The following NSMCE2 variants were observed in gnomAD, a reference collection of about 807,000 sequenced individuals.
The protein encoded by NSMCE2 is NSE2 SUMO ligase component of SMC5/6 complex.
Under a neutral mutation model 23.8 loss-of-function variants are expected in NSMCE2, and 24 were observed. The ratio of observed to expected loss-of-function variants is 1.01; its 90% CI spans 0.73 to 1.42. The LOEUF (loss-of-function observed/expected upper bound fraction) is 1.42. NSMCE2 is among the 40% of genes most tolerant of loss of function. NSMCE2 has a pLI of 0.00. For synonymous variants in NSMCE2, 92 were observed against 94.1 expected, an observed-to-expected ratio of 0.98 and a Z score of 0.13; for missense variants, 284 against 296.5, an observed-to-expected ratio of 0.96 and a Z score of 0.31.
intron 5 of NSMCE2, among the ~76,000 whole-genome samples, chr8:125,312,114 A>AATG (rs935776022): frequency 1.3e-5 from 2 of 151,532 alleles, no homozygotes; most frequent in Non-Finnish European, 2.9e-5. Context: ...AAAAGAAGAT[A>AATG]ATGATAAGGT....
chr8:125,152,636 C>T (rs1240270327), intron 4 of NSMCE2, among the ~76,000 whole-genome samples: 1 of 152,110 alleles, frequency 6.6e-6, no homozygotes, highest in South Asian at 2.1e-4. Flanking sequence ...TCATACTGTG[C>T]AAATGCAATA....
chr8:125,308,218 C>T (rs1828835844), intron 5 of NSMCE2, among the ~76,000 whole-genome samples: 1 of 152,186 alleles, frequency 6.6e-6, no homozygotes, highest in South Asian at 2.1e-4. Flanking sequence ...TCTCATTACA[C>T]TCCTTGACCT....
At chr8:125,160,985 T>C (rs1821586873) in intron 4 of NSMCE2, among the ~76,000 whole-genome samples, 1 of 152,258 alleles carries the variant, frequency 6.6e-6, no homozygotes, top group Non-Finnish European at 1.5e-5. Context: ...GGTTCAAGTG[T>C]GTAATCTCTA....
chr8:125,220,292 A>G (rs1455132137), intron 5 of NSMCE2, among the ~76,000 whole-genome samples: 3 of 152,150 alleles, frequency 2.0e-5, no homozygotes, highest in Non-Finnish European at 4.4e-5. Flanking sequence ...TAGCTTCTGG[A>G]GTTGCCTAAC....
chr8:125,228,755 C>T (rs1485561658), intron 5 of NSMCE2, among the ~76,000 whole-genome samples: 2 of 152,212 alleles, frequency 1.3e-5, no homozygotes, highest in Non-Finnish European at 2.9e-5. Context: ...AGTGAACCTA[C>T]AGCAAGATAA....
intron 5 of NSMCE2, among the ~76,000 whole-genome samples, chr8:125,237,479 A>G (rs1399043580): frequency 6.6e-6 from 1 of 152,206 alleles, no homozygotes; most frequent in Non-Finnish European, 1.5e-5. Flanking sequence ...CACCTGGCAG[A>G]TGTCTAACCC....
intron 3 of NSMCE2, among the ~76,000 whole-genome samples, chr8:125,142,134 T>C (rs537026623): frequency 2.0e-5 from 3 of 152,312 alleles, no homozygotes; most frequent in Middle Eastern, 3.4e-3. Context: ...AGAATAGTTA[T>C]CTATTCTGTA....
At chr8:125,304,734 G>A (rs144228581) in intron 5 of NSMCE2, among the ~76,000 whole-genome samples, 1 of 151,962 alleles carries the variant, frequency 6.6e-6, no homozygotes, top group African/African-American at 2.4e-5. Flanking sequence ...GCATGGGCCT[G>A]TAATCCCAGC....
intron 1 of NSMCE2, among the ~76,000 whole-genome samples, chr8:125,100,254 T>C (rs1454268989): frequency 6.6e-6 from 1 of 152,054 alleles, no homozygotes; most frequent in East Asian, 1.9e-4. Flanking sequence ...TAAAAGAGCA[T>C]AATAGAATCA....
In NSMCE2 at chr8:125,127,363, G is replaced by T. The variant is rs188382157; in HGVS notation, c.158-23808G>T. On this transcript the variant is annotated intron_variant, in intron 3 of 7. Coordinates refer to ENST00000287437, the MANE Select transcript of NSMCE2 (RefSeq NM_173685.4). ...GTAAGGGCCATGTGTGTTTCTGTGT[G>T]GGGGGAGATTGTCTTCTTAATAGGA... Among the ~76,000 whole-genome samples, 464 of 152,178 alleles carry T rather than the reference G, an allele frequency of 3.0e-3. 2 individuals are homozygous for T. The highest frequency in any genetic ancestry group is 4.9e-3 in the Non-Finnish European group (331 of 67,990).
intron 4 of NSMCE2, among the ~76,000 whole-genome samples, chr8:125,171,845 A>G (rs1822227935): frequency 6.6e-6 from 1 of 152,204 alleles, no homozygotes; most frequent in East Asian, 1.9e-4. Context: ...TCCTGCAGTG[A>G]TGGAAACGTT....
At chr8:125,173,831 T>G (rs1488262591) in intron 4 of NSMCE2, among the ~76,000 whole-genome samples, 1 of 152,022 alleles carries the variant, frequency 6.6e-6, no homozygotes, top group Non-Finnish European at 1.5e-5. Context: ...TGAACGGGGG[T>G]TTGAGTAAGT....
intron 5 of NSMCE2, among the ~76,000 whole-genome samples, chr8:125,296,513 G>C (rs1020908467): frequency 1.3e-5 from 2 of 149,536 alleles, no homozygotes; most frequent in Non-Finnish European, 3.0e-5. Context: ...TCCTGCCTCA[G>C]CCTCCCTAGT....
intron 5 of NSMCE2, among the ~76,000 whole-genome samples, chr8:125,285,756 GCACA>G (rs10550331): frequency 1.9e-4 from 28 of 148,922 alleles, no homozygotes; most frequent in Middle Eastern, 6.8e-3. Flanking sequence ...TCATACACAC[GCACA>G]CACACACACA....
chr8:125,358,071 G>T (rs1408818236), intron 7 of NSMCE2, among the ~76,000 whole-genome samples: 2 of 152,200 alleles, frequency 1.3e-5, no homozygotes, highest in African/African-American at 4.8e-5. Flanking sequence ...GGTGGCTCAT[G>T]CCTGTAATCC....
intron 5 of NSMCE2, among the ~76,000 whole-genome samples, chr8:125,355,316 A>C (rs1317167206): frequency 6.6e-6 from 1 of 152,222 alleles, no homozygotes. Flanking sequence ...CCAAAATTAA[A>C]GAAGGAAGGG....
intron 5 of NSMCE2, among the ~76,000 whole-genome samples, chr8:125,288,532 T>A (rs1305933425): frequency 6.6e-6 from 1 of 152,240 alleles, no homozygotes; most frequent in Non-Finnish European, 1.5e-5. Context: ...TTCTCAAATC[T>A]GGCCTCTCTC....
chr8:125,326,111 G>T (rs1259503558), intron 5 of NSMCE2, among the ~76,000 whole-genome samples: 1 of 151,790 alleles, frequency 6.6e-6, no homozygotes, highest in Non-Finnish European at 1.5e-5. Context: ...CAAAAAATTA[G>T]CTGGGTGCGG....
Position 125,173,917 on chromosome 8 carries a change from C to T in NSMCE2, c.265-8186C>T, listed in dbSNP as rs540837213. ...ACTGCGAGCTGCCTATTCCTCATAT[C>T]TGTGAAATTGGGATAATGATATTTT... is the stretch of plus-strand genomic sequence containing the variant. On this transcript the variant is annotated intron_variant, in intron 4 of 7. Coordinates refer to ENST00000287437, the MANE Select transcript of NSMCE2 (RefSeq NM_173685.4). Among the ~76,000 whole-genome samples, 8 of 152,256 alleles carry T rather than the reference C, an allele frequency of 5.3e-5. No individual in the cohort carries two copies. In the South Asian group the frequency reaches 6.2e-4, roughly 12 times the overall value.
Sources: gnomAD v4.1 joint callset for allele counts (sites outside exome capture counted in the v4.1 genomes callset) on GRCh38, gnomAD v4.1.1 for gene constraint, MANE v1.5 for transcripts, NCBI Gene and HGNC (gene_info 2026-07-23, HGNC 2026-07-21) for gene names.